The following CBLN2 variants were observed in gnomAD, a reference collection of about 807,000 sequenced individuals.
CBLN2 encodes the protein cerebellin 2 precursor, also known as cerebellin-2.
CBLN2 carries 7 observed loss-of-function variants against 15.0 expected under a neutral mutation model. The observed-to-expected ratio is 0.47, with a 90% CI of 0.27 to 0.88. The LOEUF (loss-of-function observed/expected upper bound fraction) is 0.88, where lower values mean the gene tolerates loss of function less well. Among genes scored for constraint, CBLN2 ranks in the 40% least tolerant of loss-of-function variants. The pLI is 0.14. For missense variants in CBLN2, 242 were observed against 304.5 expected (o/e 0.79, Z 1.53); for synonymous variants, 149 against 135.2 (o/e 1.10, Z -0.71).
intron 1 of CBLN2, chr18:72,619,126 A>G (rs183793074): frequency 1.4e-5 from 10 of 740,388 alleles, no homozygotes; most frequent in African/African-American, 8.6e-5. Flanking sequence ...TCTGGCCCCT[A>G]TGGTGGTGGA....
At chr18:72,557,726 G>C (rs1343242148) in intron 1 of CBLN2, among the ~76,000 whole-genome samples, 3 of 152,120 alleles carry the variant, frequency 2.0e-5, no homozygotes, top group South Asian at 2.1e-4. Context: ...GACACAGGGA[G>C]GGGGAAGAAT....
At chr18:72,552,329 C>A (rs2144882818) in intron 1 of CBLN2, among the ~76,000 whole-genome samples, 1 of 152,186 alleles carries the variant, frequency 6.6e-6, no homozygotes, top group Non-Finnish European at 1.5e-5. Flanking sequence ...GGTGATCCAC[C>A]TGCCTTGACC....
intron 1 of CBLN2, among the ~76,000 whole-genome samples, chr18:72,555,643 T>C (rs2069222545): frequency 6.6e-6 from 1 of 152,236 alleles, no homozygotes; most frequent in Non-Finnish European, 1.5e-5. Flanking sequence ...AAATGTACTT[T>C]ATGTTCAAAT....
intron 1 of CBLN2, among the ~76,000 whole-genome samples, chr18:72,632,063 A>G (rs1428949106): frequency 2.0e-5 from 3 of 152,142 alleles, no homozygotes; most frequent in Non-Finnish European, 4.4e-5. Flanking sequence ...AATATTATAA[A>G]TGAAAACAAT....
intron 1 of CBLN2, among the ~76,000 whole-genome samples, chr18:72,554,331 A>G (rs668659): frequency 0.97 from 146,919 of 152,120 alleles, 71,106 homozygotes; most frequent in Non-Finnish European, 1. Flanking sequence ...ATTTTCTTTA[A>G]CCGGCCTTTT....
chr18:72,589,473 C>A (rs1420707734), intron 1 of CBLN2, among the ~76,000 whole-genome samples: 2 of 152,076 alleles, frequency 1.3e-5, no homozygotes, highest in Non-Finnish European at 2.9e-5. Flanking sequence ...GTTAGCATAC[C>A]ACATATGGGC....
intron 1 of CBLN2, among the ~76,000 whole-genome samples, chr18:72,600,873 C>T (rs1568128433): frequency 6.6e-6 from 1 of 152,020 alleles, no homozygotes. Flanking sequence ...GCTGAGTCAC[C>T]CTCTAGGTGG....
At chr18:72,603,578 T>A (rs1344663991) in intron 1 of CBLN2, among the ~76,000 whole-genome samples, 2 of 152,220 alleles carry the variant, frequency 1.3e-5, no homozygotes, top group African/African-American at 2.4e-5. Context: ...GGATTCTTGG[T>A]AGTAAAAATA....
At chr18:72,558,955 G>A (rs770225512) in intron 1 of CBLN2, among the ~76,000 whole-genome samples, 101 of 152,252 alleles carry the variant, frequency 6.6e-4, no homozygotes, top group Middle Eastern at 6.8e-3. Flanking sequence ...CTCTGGAGTC[G>A]GGGTGGGGAG....
intron 1 of CBLN2, among the ~76,000 whole-genome samples, chr18:72,606,679 CA>C (rs1568129951): frequency 6.6e-6 from 1 of 152,196 alleles, no homozygotes; most frequent in Non-Finnish European, 1.5e-5. Flanking sequence ...GCTTAAGAAA[CA>C]GGGCACAACA....
At chr18:72,597,588 A>G (rs772964571) in intron 1 of CBLN2, among the ~76,000 whole-genome samples, 1 of 152,206 alleles carries the variant, frequency 6.6e-6, no homozygotes, top group South Asian at 2.1e-4. Context: ...TATAATCAGC[A>G]GGTGGTGAAT....
chr18:72,558,435 TC>T (rs2144889995), intron 1 of CBLN2, among the ~76,000 whole-genome samples: 1 of 152,306 alleles, frequency 6.6e-6, no homozygotes, highest in African/African-American at 2.4e-5. Context: ...TTAACCTGTG[TC>T]CTTTCACTAT....
At position 72,578,838 on chromosome 18, in the gene CBLN2, G is replaced by A. The variant is rs12607052; in HGVS notation, c.16-40066C>T. 0.034 allele frequency among the ~76,000 whole-genome samples: 5,201 copies of A among 152,148 alleles called. 636 individuals carry two copies. The East Asian group carries it at 0.47, about 14-fold the overall frequency. ...TTTTCTAAACTATTTTCAGTTGCAC[G>A]GCATAAAGTAAAATCAATATTCATG... On this transcript the variant is annotated intron_variant, in intron 1 of 2. Transcript: ENST00000581073.
intron 1 of CBLN2, among the ~76,000 whole-genome samples, chr18:72,599,327 T>C (rs1179070099): frequency 6.6e-6 from 1 of 152,104 alleles, no homozygotes; most frequent in African/African-American, 2.4e-5. Flanking sequence ...AAGAATGGAG[T>C]TAAAACTTTT....
intron 1 of CBLN2, among the ~76,000 whole-genome samples, chr18:72,637,163 A>T (rs986030613): frequency 6.6e-6 from 1 of 152,144 alleles, no homozygotes; most frequent in Non-Finnish European, 1.5e-5. Flanking sequence ...CAACTCTGAG[A>T]AACAATTGTA....
chr18:72,629,810 T>C (rs1289990091), intron 1 of CBLN2, among the ~76,000 whole-genome samples: 1 of 152,150 alleles, frequency 6.6e-6, no homozygotes, highest in Non-Finnish European at 1.5e-5. Context: ...GTAAAAAATA[T>C]TGTATAGATG....
chr18:72,567,458 A>G (rs2144901547), intron 1 of CBLN2, among the ~76,000 whole-genome samples: 1 of 152,226 alleles, frequency 6.6e-6, no homozygotes, highest in East Asian at 1.9e-4. Flanking sequence ...GTTATATGTC[A>G]TCCGGATGCT....
chr18:72,544,417 C>A (rs965331312), upstream of CBLN2: 3 of 152,180 alleles, frequency 2.0e-5, no homozygotes, highest in Non-Finnish European at 1.5e-5. Flanking sequence ...CGGGGAGACG[C>A]GCTGGGTTTC....
intron 1 of CBLN2, among the ~76,000 whole-genome samples, chr18:72,551,623 C>T (rs2069192785): frequency 6.6e-6 from 1 of 152,116 alleles, no homozygotes; most frequent in Admixed American, 6.5e-5. Flanking sequence ...ATGTGTGGGT[C>T]TCTGTGTGTA....
Sources: allele counts gnomAD v4.1 joint callset (sites outside exome capture counted in the v4.1 genomes callset), GRCh38; gene constraint gnomAD v4.1.1; transcripts MANE v1.5; gene names NCBI Gene and HGNC (gene_info 2026-07-23, HGNC 2026-07-21).